The following TOB2 variants were observed in gnomAD, a reference collection of about 807,000 sequenced individuals.
The protein encoded by TOB2 is transducer of ERBB2, 2, also known as protein Tob2.
TOB2 carries 3 observed loss-of-function variants against 17.3 expected under a neutral mutation model. The observed-to-expected ratio is 0.17, with a 90% CI of 0.08 to 0.45. The LOEUF is 0.45. Ranked by LOEUF, TOB2 falls within the 20% of genes least tolerant of loss-of-function variation. TOB2 has a pLI of 0.99. For missense variants in TOB2, 407 were observed against 445.7 expected, an observed-to-expected ratio of 0.91 and a Z score of 0.78; for synonymous variants, 163 against 185.6, an observed-to-expected ratio of 0.88 and a Z score of 0.99.
chr22:41,436,169 C>A lies in TOB2; in HGVS notation c.*142G>T, dbSNP rs1481236053. 3 of 1,188,508 alleles carry A rather than the reference C, an allele frequency of 2.5e-6. No homozygotes were observed. Among genetic ancestry groups the A allele is most frequent in the African/African-American group, 3.1e-5 (2 of 65,024 alleles). 73.6% of individuals were successfully genotyped at this position (1,188,508 alleles called of 1,614,324 possible). ...CTTTGCAGGGCCCTCCCATTCCGTG[C>A]CTGGGCTGGATCTTTTTTCTAGAAG... On this transcript the variant is annotated 3_prime_UTR_variant, in exon 2 of 2. Transcript: ENST00000327492. The surrounding 1 kb of genome is among the most constrained non-coding windows in gnomAD (Gnocchi z 4.8).
intron 1 of TOB2, among the ~76,000 whole-genome samples, chr22:41,444,311 C>G (rs1054276478): frequency 2.0e-5 from 3 of 152,208 alleles, no homozygotes; most frequent in African/African-American, 7.2e-5. Context: ...ATCATCTCCC[C>G]CTAGACACAG....
At chr22:41,442,449 G>A (rs529422650) in intron 1 of TOB2, among the ~76,000 whole-genome samples, 2 of 152,204 alleles carry the variant, frequency 1.3e-5, no homozygotes, top group Admixed American at 6.5e-5. Context: ...TAGAACCACT[G>A]TCATCAGCCC....
intron 1 of TOB2, among the ~76,000 whole-genome samples, chr22:41,445,091 G>A (rs2037667500): frequency 6.6e-6 from 1 of 152,248 alleles, no homozygotes; most frequent in South Asian, 2.1e-4. Context: ...GCTGTGGGGA[G>A]GCGCCAGGCC....
chr22:41,442,338 C>T (rs2037629692), intron 1 of TOB2, among the ~76,000 whole-genome samples: 1 of 152,152 alleles, frequency 6.6e-6, no homozygotes, highest in Non-Finnish European at 1.5e-5. Flanking sequence ...GCATAATTGC[C>T]TTCCAAGTTA....
chr22:41,440,135 T>G (rs1160122751), intron 1 of TOB2, among the ~76,000 whole-genome samples: 1 of 133,124 alleles, frequency 7.5e-6, no homozygotes, highest in African/African-American at 3.0e-5. Context: ...TTTTTTTTTT[T>G]GAGACGGAGT....
intron 1 of TOB2, among the ~76,000 whole-genome samples, chr22:41,439,811 C>A (rs577212952): frequency 6.6e-6 from 1 of 151,788 alleles, no homozygotes; most frequent in African/African-American, 2.4e-5. Context: ...CCAACACACA[C>A]GGCCTTAAGG....
intron 1 of TOB2, among the ~76,000 whole-genome samples, chr22:41,439,698 T>C (rs902706498): frequency 6.6e-6 from 1 of 152,112 alleles, no homozygotes; most frequent in Non-Finnish European, 1.5e-5. Flanking sequence ...GTATTTTTAG[T>C]GGAGATGGGG....
chr22:41,439,482 CGTATGTATGTATGTAT>C (rs6147628), intron 1 of TOB2, among the ~76,000 whole-genome samples: 3,601 of 148,060 alleles, frequency 0.024, 152 homozygotes, highest in African/African-American at 0.084. Context: ...TTTAATTTTA[CGTATGTATGTATGTAT>C]GTATGTATGT....
At chr22:41,440,252 G>C (rs923897344) in intron 1 of TOB2, among the ~76,000 whole-genome samples, 1 of 72,266 alleles carries the variant, frequency 1.4e-5, no homozygotes, top group Admixed American at 1.1e-4. Flanking sequence ...CAAGTAGCTG[G>C]GATTACAGGC....
Position 41,446,544 on chromosome 22 carries a change from G to A in TOB2, c.-228C>T, listed in dbSNP as rs956491874. 2.0e-5 allele frequency: 3 copies of A among 152,550 alleles called. No homozygotes were observed. Among genetic ancestry groups the A allele is most frequent in the African/African-American group, 4.8e-5 (2 of 41,458 alleles). 9.4% of individuals were successfully genotyped at this position (152,550 alleles called of 1,614,324 possible). ...TGAGGGTTGGGGGACGAAGCAGGGG[G>A]CTATGGACTATGACTCTCAATAATT... On this transcript the variant is annotated 5_prime_UTR_variant, in exon 1 of 2. Coordinates refer to ENST00000327492, the MANE Select transcript of TOB2 (RefSeq NM_016272.4).
rs189462855 is a variant in TOB2 at position 41,435,704 on chromosome 22, G to A, written c.*607C>T. 36 of 152,996 alleles carry A rather than the reference G, an allele frequency of 2.4e-4. No individual in the cohort carries two copies. The highest frequency in any genetic ancestry group is 1.6e-4 in the Non-Finnish European group (11 of 68,212). The allele number at this position is 152,996 out of a possible 1,614,324, so 9.5% of individuals were successfully genotyped here. ...ATCAGCTCCAGGGGGAGGGTGTCAA[G>A]TGGCCAGCCAGCAACTCCCTGTGGC... On this transcript the variant is annotated 3_prime_UTR_variant, in exon 2 of 2. Transcript: ENST00000327492.
intron 1 of TOB2, among the ~76,000 whole-genome samples, chr22:41,440,028 T>C (rs1241506617): frequency 6.6e-6 from 1 of 152,162 alleles, no homozygotes; most frequent in Non-Finnish European, 1.5e-5. Flanking sequence ...CACTCAGGAC[T>C]CAGAATACCC....
At chr22:41,443,349 T>G (rs1018302842) in intron 1 of TOB2, among the ~76,000 whole-genome samples, 2 of 152,146 alleles carry the variant, frequency 1.3e-5, no homozygotes, top group African/African-American at 4.8e-5. Context: ...GAGACAGTCT[T>G]GCTCTGTAGC....
chr22:41,436,304 T>C lies in TOB2; in HGVS notation c.*7A>G, dbSNP rs2037546034. On this transcript the variant is annotated 3_prime_UTR_variant, in exon 2 of 2. Transcript: ENST00000327492. The surrounding 1 kb of genome is among the most constrained non-coding windows in gnomAD (Gnocchi z 4.8). ...GGGTGCTCCTGGCCCCACGGGCAGGTAGATGGTCAGTTGGCCAGCACCACG... is the reference window on the plus strand; with the variant it reads ...GGGTGCTCCTGGCCCCACGGGCAGGCAGATGGTCAGTTGGCCAGCACCACG... The C allele has an allele frequency of 6.4e-7, 1 of 1,550,438 alleles. No homozygotes were observed. The highest frequency in any genetic ancestry group is 8.7e-7 in the Non-Finnish European group (1 of 1,147,394).
At position 41,436,060 on chromosome 22, in the gene TOB2, A is replaced by G. The variant is rs1050276777; in HGVS notation, c.*251T>C. The G allele has an allele frequency of 4.9e-6, 2 of 405,614 alleles. No individual in the cohort carries two copies. The highest frequency in any genetic ancestry group is 4.1e-5 in the African/African-American group (2 of 48,968). The allele number at this position is 405,614 out of a possible 1,614,324, so 25.1% of individuals were successfully genotyped here. On this transcript the variant is annotated 3_prime_UTR_variant, in exon 2 of 2. Transcript: ENST00000327492. This position sits in a 1 kb window ranked among gnomAD's most constrained non-coding sequence, Gnocchi z 4.8. ...CTACATGTAAGAAAAAAAAAAAAGA[A>G]AAAGAAATATAAAACCCAAACCAAC...
intron 1 of TOB2, among the ~76,000 whole-genome samples, chr22:41,442,768 C>A (rs1472257352): frequency 2.0e-5 from 3 of 152,104 alleles, no homozygotes; most frequent in Admixed American, 2.0e-4. Flanking sequence ...GGAGTTTGTT[C>A]ATTTTTTAAA....
At chr22:41,438,233 C>T (rs565468816) in intron 1 of TOB2, among the ~76,000 whole-genome samples, 1 of 152,262 alleles carries the variant, frequency 6.6e-6, no homozygotes, top group South Asian at 2.1e-4. Context: ...AAGAGCACTG[C>T]CAATTCTTCA....
chr22:41,442,094 CAAA>C (rs34651461), intron 1 of TOB2, among the ~76,000 whole-genome samples: 3 of 105,860 alleles, frequency 2.8e-5, no homozygotes, highest in African/African-American at 4.1e-5. Flanking sequence ...AATTCTGCCT[CAAA>C]AAAAAAAAAA....
Position 41,441,247 on chromosome 22 carries a change from G to A in TOB2, c.-62-3840C>T, listed in dbSNP as rs551476079. On this transcript the variant is annotated intron_variant, in intron 1 of 1. Transcript: ENST00000327492. ...GGAGAATCGCTTGAACCCAGGAGGC[G>A]GAGGTTGCAATGAGCTGAGATCGTG... Among the ~76,000 whole-genome samples, 60 of 151,564 alleles carry A rather than the reference G, an allele frequency of 4.0e-4. 1 individual carries two copies. In the South Asian group the frequency reaches 0.011, roughly 27 times the overall value.
Sources: gnomAD v4.1 joint callset for allele counts (sites outside exome capture counted in the v4.1 genomes callset) on GRCh38, gnomAD v4.1.1 for gene constraint, Gnocchi (gnomAD v3.1) non-coding constraint, MANE v1.5 for transcripts, NCBI Gene and HGNC (gene_info 2026-07-23, HGNC 2026-07-21) for gene names.